Variants in IFT52 observed in about 807,000 individuals in gnomAD.
The protein encoded by IFT52 is intraflagellar transport protein 52 homolog.
Under a neutral mutation model 54.4 loss-of-function variants are expected in IFT52, and 44 were observed. The ratio of observed to expected loss-of-function variants is 0.81; its 90% CI spans 0.63 to 1.04. The LOEUF (loss-of-function observed/expected upper bound fraction) is 1.04, where lower values mean the gene tolerates loss of function less well. IFT52 is among the 50% of genes least tolerant of loss of function. IFT52 has a pLI of 0.00. For missense variants in IFT52, 452 were observed against 523.6 expected, an observed-to-expected ratio of 0.86 and a Z score of 1.33; for synonymous variants, 181 against 185.3, an observed-to-expected ratio of 0.98 and a Z score of 0.19.
chr20:43,645,401 C>T (rs113391882), intron 13 of IFT52, among the ~76,000 whole-genome samples: 6,190 of 53,744 alleles, frequency 0.12, 2,589 homozygotes, highest in African/African-American at 0.29. Flanking sequence ...ACTAAAAATA[C>T]AAAAAATTAG....
chr20:43,634,708 A>C, intron 10 of IFT52, among the ~76,000 whole-genome samples: 2 of 151,758 alleles, frequency 1.3e-5, no homozygotes, highest in Admixed American at 1.3e-4. Context: ...AACTTGTGTC[A>C]TGGGGGTTTG....
intron 6 of IFT52, among the ~76,000 whole-genome samples, chr20:43,606,951 A>G (rs1334881700): frequency 6.6e-6 from 1 of 152,226 alleles, no homozygotes; most frequent in Non-Finnish European, 1.5e-5. Context: ...TTCTTAGTAC[A>G]GAACAAAATG....
chr20:43,604,308 C>T (rs1189118836), intron 5 of IFT52, 50 bp downstream of exon 5: 2 of 1,341,692 alleles, frequency 1.5e-6, no homozygotes, highest in African/African-American at 2.9e-5. Context: ...GTCGCTCACA[C>T]CTGTAATCCC....
At chr20:43,607,722 G>A (rs1321949876) in intron 6 of IFT52, among the ~76,000 whole-genome samples, 3 of 151,164 alleles carry the variant, frequency 2.0e-5, no homozygotes, top group African/African-American at 7.3e-5. Context: ...AGGCAGAGAC[G>A]CTCCTCACTT....
At position 43,593,160 on chromosome 20, in the gene IFT52, G is replaced by A. The variant is rs577801168; in HGVS notation, c.-6-1533G>A. Among the ~76,000 whole-genome samples the A allele has an allele frequency of 5.3e-5, 8 of 152,238 alleles. No individual in the cohort carries two copies. The East Asian group carries it at 1.5e-3, about 29-fold the overall frequency. Reference sequence around the variant, plus strand: ...AAAATTTAAAGAGAAAAATGATCAAGAGTACCTGGACAAGAAAATCAGAAG... The same window carrying A: ...AAAATTTAAAGAGAAAAATGATCAAAAGTACCTGGACAAGAAAATCAGAAG... On this transcript the variant is annotated intron_variant, in intron 1 of 13. Transcript: ENST00000373030.
At chr20:43,607,032 C>A (rs1333676773) in intron 6 of IFT52, among the ~76,000 whole-genome samples, 1 of 152,232 alleles carries the variant, frequency 6.6e-6, no homozygotes, top group African/African-American at 2.4e-5. Context: ...TTTTCCCCAC[C>A]TTTCCCCTCT....
chr20:43,595,201 C>T (rs1359098250), intron 2 of IFT52, among the ~76,000 whole-genome samples: 1 of 151,678 alleles, frequency 6.6e-6, no homozygotes. Flanking sequence ...GCCTGTAATC[C>T]CAGCTCCTTG....
intron 7 of IFT52, among the ~76,000 whole-genome samples, chr20:43,615,874 T>G (rs1281004844): frequency 6.6e-6 from 1 of 152,042 alleles, no homozygotes; most frequent in Non-Finnish European, 1.5e-5. Flanking sequence ...CCCAGGAGGT[T>G]GCAGTGAGCC....
intron 2 of IFT52, 21 bp downstream of exon 2, chr20:43,594,838 T>A (rs1291281837): frequency 8.4e-7 from 1 of 1,188,964 alleles, no homozygotes; most frequent in Admixed American, 1.7e-5. Flanking sequence ...ATGTATATTG[T>A]TTTCCCTTCT....
At chr20:43,640,634 T>C (rs1429836960) in intron 12 of IFT52, among the ~76,000 whole-genome samples, 6 of 152,258 alleles carry the variant, frequency 3.9e-5, no homozygotes, top group African/African-American at 1.2e-4. Flanking sequence ...TTCTAGGTAG[T>C]TGGTGGCAGT....
intron 10 of IFT52, among the ~76,000 whole-genome samples, chr20:43,628,078 A>C (rs1352851635): frequency 6.6e-6 from 1 of 151,790 alleles, no homozygotes; most frequent in Non-Finnish European, 1.5e-5. Flanking sequence ...ACAGGCGTGC[A>C]CCACCACACC....
intron 3 of IFT52, among the ~76,000 whole-genome samples, chr20:43,602,808 G>T (rs1031684435): frequency 6.6e-6 from 1 of 152,134 alleles, no homozygotes; most frequent in Non-Finnish European, 1.5e-5. Context: ...GAAGGCAGGG[G>T]GAGAGGAAAA....
In IFT52 at chr20:43,599,314, C is replaced by T. The variant is rs77422863; in HGVS notation, c.207+2792C>T. ...ACACAGGGGCATCCAAAGAGAGGGTCAGAACCTGGTGCCTGGGCCTTTTCC... is the reference window on the plus strand; with the variant it reads ...ACACAGGGGCATCCAAAGAGAGGGTTAGAACCTGGTGCCTGGGCCTTTTCC... On this transcript the variant is annotated intron_variant, in intron 3 of 13. Coordinates refer to ENST00000373030, the MANE Select transcript of IFT52 (RefSeq NM_016004.5). Among the ~76,000 whole-genome samples the T allele has an allele frequency of 6.1e-3, 934 of 152,290 alleles. 10 individuals are homozygous for T. The highest frequency in any genetic ancestry group is 0.021 in the African/African-American group (879 of 41,566).
chr20:43,629,257 G>A (rs1178364329), intron 10 of IFT52, among the ~76,000 whole-genome samples: 5 of 152,050 alleles, frequency 3.3e-5, no homozygotes, highest in South Asian at 2.1e-4. Flanking sequence ...TCTGTTGTAC[G>A]TTTTTGTTTT....
At chr20:43,646,628 T>A (rs1986216473) in intron 13 of IFT52, among the ~76,000 whole-genome samples, 1 of 152,120 alleles carries the variant, frequency 6.6e-6, no homozygotes, top group African/African-American at 2.4e-5. Flanking sequence ...CAGTACTCAC[T>A]CTGGTGGCAT....
At chr20:43,615,155 G>A (rs922091836) in intron 7 of IFT52, among the ~76,000 whole-genome samples, 3 of 151,808 alleles carry the variant, frequency 2.0e-5, no homozygotes, top group South Asian at 2.1e-4. Context: ...TCTGCCTCCC[G>A]CCTCAGCCTT....
chr20:43,603,963 C>T, intron 4 of IFT52, 74 bp downstream of exon 4: 1 of 1,147,172 alleles, frequency 8.7e-7, no homozygotes, highest in Admixed American at 2.2e-5. Context: ...CCTCTAGGTC[C>T]AGTGGCATAA....
chr20:43,608,665 G>A (rs1480066313), intron 6 of IFT52, among the ~76,000 whole-genome samples: 1 of 152,150 alleles, frequency 6.6e-6, no homozygotes, highest in Admixed American at 6.5e-5. Context: ...AACACTTTGG[G>A]AGGCTGAGGC....
chr20:43,593,929 C>T (rs575275615), intron 1 of IFT52, among the ~76,000 whole-genome samples: 1 of 151,462 alleles, frequency 6.6e-6, no homozygotes, highest in Admixed American at 6.6e-5. Context: ...GTCAAATATA[C>T]AAGGTTAGGT....
Sources: gnomAD v4.1 joint callset for allele counts (sites outside exome capture counted in the v4.1 genomes callset) on GRCh38, gnomAD v4.1.1 for gene constraint, MANE v1.5 for transcripts, NCBI Gene and HGNC (gene_info 2026-07-23, HGNC 2026-07-21) for gene names.